The following COL25A1 variants were observed in gnomAD, a reference collection of about 807,000 sequenced individuals.
COL25A1 encodes the protein collagen alpha-1(XXV) chain.
A neutral mutation model predicts 128.4 loss-of-function variants in COL25A1; 103 were observed. The ratio of observed to expected loss-of-function variants is 0.80; its 90% CI spans 0.68 to 0.94. COL25A1 has a LOEUF of 0.94. COL25A1 is among the 40% of genes least tolerant of loss of function. The pLI is 0.00. For missense variants in COL25A1, 745 were observed against 840.0 expected (o/e 0.89, Z 1.40); for synonymous variants, 279 against 277.2 (o/e 1.01, Z -0.06).
intron 8 of COL25A1, among the ~76,000 whole-genome samples, chr4:108,954,325 T>C (rs538352459): frequency 9.2e-5 from 14 of 152,152 alleles, no homozygotes; most frequent in Non-Finnish European, 2.1e-4. Flanking sequence ...GTTGATAATG[T>C]TGTTATTTAA....
chr4:109,195,732 T>C (rs1308895303), intron 3 of COL25A1, among the ~76,000 whole-genome samples: 1 of 152,112 alleles, frequency 6.6e-6, no homozygotes, highest in Non-Finnish European at 1.5e-5. Context: ...ACAAAATTCA[T>C]GTTTTACTGG....
rs532268858 is a variant in COL25A1, at chr4:108,926,930, G to A, written c.709-6326C>T. 5.3e-5 allele frequency among the ~76,000 whole-genome samples: 8 copies of A among 152,072 alleles called. No homozygotes were observed. The South Asian group carries it at 1.7e-3, about 32-fold the overall frequency. On this transcript the variant is annotated intron_variant, in intron 11 of 37. Transcript: ENST00000399132. Reference sequence around the variant, plus strand: ...GGAAATGTTTAGAATATAAGAGAGTGCACTGCAATGTTTTCAATGTAAAAG... The same window carrying A: ...GGAAATGTTTAGAATATAAGAGAGTACACTGCAATGTTTTCAATGTAAAAG...
At chr4:109,291,412 T>C (rs1009673906) in intron 3 of COL25A1, among the ~76,000 whole-genome samples, 9 of 152,100 alleles carry the variant, frequency 5.9e-5, no homozygotes, top group Non-Finnish European at 1.2e-4. Context: ...AATTTCAATA[T>C]ACAAACATCA....
intron 3 of COL25A1, among the ~76,000 whole-genome samples, chr4:109,085,078 C>A (rs931897078): frequency 3.9e-5 from 6 of 152,126 alleles, no homozygotes; most frequent in African/African-American, 1.2e-4. Context: ...ACCAAATGAT[C>A]CTGGTTCTCA....
chr4:109,033,826 C>A (rs1023054764), intron 5 of COL25A1, among the ~76,000 whole-genome samples: 1 of 151,942 alleles, frequency 6.6e-6, no homozygotes, highest in African/African-American at 2.4e-5. Flanking sequence ...AATTTTTATT[C>A]TTTCACTTGC....
intron 3 of COL25A1, among the ~76,000 whole-genome samples, chr4:109,229,875 T>C (rs1334707827): frequency 2.0e-5 from 3 of 152,146 alleles, no homozygotes; most frequent in African/African-American, 4.8e-5. Context: ...AAAAAGAGGT[T>C]TAACTGATCC....
At chr4:109,127,536 C>T (rs1259070291) in intron 3 of COL25A1, among the ~76,000 whole-genome samples, 1 of 151,756 alleles carries the variant, frequency 6.6e-6, no homozygotes, top group Non-Finnish European at 1.5e-5. Flanking sequence ...CTATGTTGCC[C>T]AGGCTGGTCT....
chr4:109,116,937 C>G (rs559654052), intron 3 of COL25A1, among the ~76,000 whole-genome samples: 85 of 151,478 alleles, frequency 5.6e-4, no homozygotes, highest in African/African-American at 2.0e-3. Context: ...GAGAATGTGA[C>G]AATGGAAACT....
At chr4:108,945,913 C>T (rs1305111971) in intron 8 of COL25A1, among the ~76,000 whole-genome samples, 1 of 152,190 alleles carries the variant, frequency 6.6e-6, no homozygotes, top group African/African-American at 2.4e-5. Context: ...GATCCGCCCA[C>T]CTCAGCCTCC....
At chr4:109,042,245 G>A (rs959318673) in intron 5 of COL25A1, among the ~76,000 whole-genome samples, 1 of 151,952 alleles carries the variant, frequency 6.6e-6, no homozygotes, top group African/African-American at 2.4e-5. Context: ...TACAAACATG[G>A]AAGCCCAAAC....
chr4:109,070,254 CA>C (rs1263157615), intron 3 of COL25A1, among the ~76,000 whole-genome samples: 21 of 143,794 alleles, frequency 1.5e-4, no homozygotes, highest in Middle Eastern at 3.4e-3. Flanking sequence ...TCTCAAAAAA[CA>C]AAAAAAAAAC....
intron 35 of COL25A1, 119 bp downstream of exon 35, chr4:108,824,055 T>C (rs773436657): frequency 5.0e-6 from 8 of 1,612,948 alleles, no homozygotes; most frequent in Admixed American, 3.3e-5. Flanking sequence ...GGCATCAGTA[T>C]GTTTTTGGAG....
Position 109,227,942 on chromosome 4 carries a change from G to A in COL25A1, c.367+72641C>T, listed in dbSNP as rs189450974. 4.5e-3 allele frequency among the ~76,000 whole-genome samples: 685 copies of A among 152,192 alleles called. 4 individuals are homozygous for A. Among genetic ancestry groups the A allele is most frequent in the Non-Finnish European group, 6.6e-3 (446 of 67,986 alleles). ...TCACATTTGAACGCCTCAGAACCAG[G>A]GAAGACAATGGTGTAACTCTCAAGC... On this transcript the variant is annotated intron_variant, in intron 3 of 37. Coordinates refer to ENST00000399132, the MANE Select transcript of COL25A1 (RefSeq NM_198721.4).
At chr4:108,919,355 T>C (rs1745229942) in intron 12 of COL25A1, among the ~76,000 whole-genome samples, 2 of 152,166 alleles carry the variant, frequency 1.3e-5, no homozygotes, top group Admixed American at 6.5e-5. Context: ...GTATGTGGAT[T>C]AGAGTAGCTT....
At chr4:108,851,117 C>G (rs28607577) in intron 26 of COL25A1, among the ~76,000 whole-genome samples, 26,632 of 152,020 alleles carry the variant, frequency 0.18, 2,478 homozygotes, top group African/African-American at 0.22. Context: ...TCTAGGATAT[C>G]TAGTCCAGCT....
At position 109,027,155 on chromosome 4, in the gene COL25A1, C is replaced by A. The variant is rs77575868; in HGVS notation, c.421-16780G>T. ...CTATCACTTTTGTGGGAGAAGCAGGCTTTAAGAGAATGTTTATGAATAATG... is the reference window on the plus strand; with the variant it reads ...CTATCACTTTTGTGGGAGAAGCAGGATTTAAGAGAATGTTTATGAATAATG... On this transcript the variant is annotated intron_variant, in intron 5 of 37. Coordinates refer to ENST00000399132, the MANE Select transcript of COL25A1 (RefSeq NM_198721.4). Among the ~76,000 whole-genome samples the A allele has an allele frequency of 7.9e-3, 1,195 of 152,228 alleles. 14 individuals are homozygous for A. Among genetic ancestry groups the A allele is most frequent in the African/African-American group, 0.027 (1,106 of 41,542 alleles).
intron 3 of COL25A1, among the ~76,000 whole-genome samples, chr4:109,268,924 C>G (rs1413566919): frequency 6.6e-6 from 1 of 152,024 alleles, no homozygotes; most frequent in Non-Finnish European, 1.5e-5. Context: ...TATAAAGATG[C>G]AAATTCTTTT....
chr4:108,913,257 G>A (rs1272574816), intron 13 of COL25A1, among the ~76,000 whole-genome samples: 1 of 68,250 alleles, frequency 1.5e-5, no homozygotes, highest in Non-Finnish European at 3.5e-5. Flanking sequence ...TCTGTCTCTA[G>A]CTCCTTTTTT....
chr4:108,970,537 A>G (rs1294104340), intron 8 of COL25A1, among the ~76,000 whole-genome samples: 1 of 152,178 alleles, frequency 6.6e-6, no homozygotes, highest in African/African-American at 2.4e-5. Flanking sequence ...TAACATTTGT[A>G]TTACCTCACA....
Sources: gnomAD v4.1 joint callset for allele counts (sites outside exome capture counted in the v4.1 genomes callset) on GRCh38, gnomAD v4.1.1 for gene constraint, MANE v1.5 for transcripts, NCBI Gene and HGNC (gene_info 2026-07-23, HGNC 2026-07-21) for gene names.